Variants in CSMD2 observed in about 807,000 individuals in gnomAD.
The protein encoded by CSMD2 is CUB and Sushi multiple domains 2.
CSMD2 carries 130 observed loss-of-function variants against 398.5 expected under a neutral mutation model. That is an observed-to-expected ratio of 0.33 (90% CI 0.28 to 0.38). The LOEUF is 0.38. CSMD2 is among the 10% of genes least tolerant of loss of function. The probability of loss-of-function intolerance (pLI) is 1.00; values close to 1 mark genes in which losing one functional copy is unlikely to be tolerated. For synonymous variants in CSMD2, 1,828 were observed against 1,908.5 expected, an observed-to-expected ratio of 0.96 and a Z score of 1.10; for missense variants, 3,829 against 4,764.9, an observed-to-expected ratio of 0.80 and a Z score of 5.78.
At position 33,788,675 on chromosome 1, in the gene CSMD2, T is replaced by C; in HGVS notation, c.1588A>G (p.Thr530Ala). 4 of 1,613,904 alleles carry C rather than the reference T, an allele frequency of 2.5e-6. No homozygotes were observed. The highest frequency in any genetic ancestry group is 1.7e-6 in the Non-Finnish European group (2 of 1,179,826). Residue 530 changes from threonine to alanine, a missense_variant, in exon 12 of 71, where the codon ACC becomes GCC. Transcript: ENST00000373381. Reference protein sequence around the residue: ...GTSVPDLIVSTNHQMWLLFQT... With the variant: ...GTSVPDLIVSANHQMWLLFQT... ...AAGAGGAGCCACATTTGATGATTGG[T>C]GCTGACAATGAGATCCGGGACCGAT...
In CSMD2 at chr1:33,533,377, C is replaced by T. The variant is rs1655441234; in HGVS notation, c.9992-148G>A. 2 of 734,292 alleles carry T rather than the reference C, an allele frequency of 2.7e-6. No homozygotes were observed. The highest frequency in any genetic ancestry group is 1.8e-5 in the African/African-American group (1 of 56,096). 45.5% of individuals were successfully genotyped at this position (734,292 alleles called of 1,614,324 possible). On this transcript the variant is annotated intron_variant, in intron 63 of 70. Coordinates refer to ENST00000373381, the MANE Select transcript of CSMD2 (RefSeq NM_001281956.2). The surrounding 1 kb of genome is among the most constrained non-coding windows in gnomAD (Gnocchi z 4.2). ...AAGCATCCCCCTCCCTAATCCTCCA[C>T]CCTAACCCAAGCTCTGTGTCTAGAG... is the stretch of plus-strand genomic sequence containing the variant.
At chr1:33,690,502 A>G (rs1645199980) in intron 25 of CSMD2, among the ~76,000 whole-genome samples, 1 of 152,228 alleles carries the variant, frequency 6.6e-6, no homozygotes, top group Non-Finnish European at 1.5e-5. Context: ...ATTCATTTAT[A>G]TAATGCCAGC....
At position 33,772,247 on chromosome 1, in the gene CSMD2, G is replaced by A. The variant is rs1354731203; in HGVS notation, c.1846+322C>T. 4 of 226,526 alleles carry A rather than the reference G, an allele frequency of 1.8e-5. No individual in the cohort carries two copies. In the East Asian group the frequency reaches 4.0e-4, roughly 22 times the overall value. The allele number at this position is 226,526 out of a possible 1,614,324, so 14.0% of individuals were successfully genotyped here. On this transcript the variant is annotated intron_variant, in intron 13 of 70. Coordinates refer to ENST00000373381, the MANE Select transcript of CSMD2 (RefSeq NM_001281956.2). ...TGGTGTCAGGGGTGGCAATGACGGT[G>A]AGCAGGAAATGTCTGGGTCTGAGCC...
intron 5 of CSMD2, among the ~76,000 whole-genome samples, chr1:33,881,722 T>C (rs1254020627): frequency 6.6e-6 from 1 of 152,236 alleles, no homozygotes; most frequent in Non-Finnish European, 1.5e-5. Context: ...TACTTGTTTT[T>C]CTGTGTGCAG....
intron 5 of CSMD2, among the ~76,000 whole-genome samples, chr1:33,899,412 G>A (rs1642606884): frequency 6.6e-6 from 1 of 152,222 alleles, no homozygotes; most frequent in African/African-American, 2.4e-5. Context: ...AGGTTGGGAG[G>A]CAAAGGGCCC....
chr1:33,537,767 C>T lies in CSMD2; in HGVS notation c.9632-158G>A, dbSNP rs552417882. Among the ~76,000 whole-genome samples the T allele has an allele frequency of 8.5e-4, 130 of 152,362 alleles. No homozygotes were observed. The highest frequency in any genetic ancestry group is 3.4e-3 in the Middle Eastern group (1 of 292). ...CCCAGGTAGGTGCTTCCACCTGCTGCGGTGCTGCTGCTGATGGGGGCTTCC... is the reference window on the plus strand; with the variant it reads ...CCCAGGTAGGTGCTTCCACCTGCTGTGGTGCTGCTGCTGATGGGGGCTTCC... On this transcript the variant is annotated intron_variant, in intron 60 of 70. Transcript: ENST00000373381. This position sits in a 1 kb window ranked among gnomAD's most constrained non-coding sequence, Gnocchi z 4.6.
At chr1:33,911,728 C>T (rs2125265447) in intron 5 of CSMD2, among the ~76,000 whole-genome samples, 1 of 152,314 alleles carries the variant, frequency 6.6e-6, no homozygotes, top group South Asian at 2.1e-4. Flanking sequence ...CAAAGTCTAC[C>T]CAGTGGCCAC....
intron 53 of CSMD2, among the ~76,000 whole-genome samples, chr1:33,561,956 A>G (rs946505277): frequency 1.3e-5 from 2 of 152,118 alleles, no homozygotes; most frequent in African/African-American, 2.4e-5. Flanking sequence ...ATAAAGAGAG[A>G]GAAGAATGTT....
At chr1:33,670,591 C>T (rs1472478765) in intron 25 of CSMD2, among the ~76,000 whole-genome samples, 2 of 152,004 alleles carry the variant, frequency 1.3e-5, no homozygotes, top group Admixed American at 1.3e-4. Flanking sequence ...TAGAATCTAG[C>T]CACACAGAAC....
In CSMD2 at chr1:33,537,527, G is replaced by A; in HGVS notation, c.9714C>T (p.Phe3238=). ...RGFSYRSSVS[F]SCHPPLVLVG... ...CCAGCACCAGAGGGGGATGGCAGGA[G>A]AAGGAGACAGATGACCTGTAGGAGA... is the stretch of plus-strand genomic sequence containing the variant. The change falls in exon 61 of 71, where the codon TTC becomes TTT. Residue 3238 remains phenylalanine (F), a synonymous_variant. Transcript: ENST00000373381. The surrounding 1 kb of genome is among the most constrained non-coding windows in gnomAD (Gnocchi z 4.6). 6.2e-7 allele frequency: 1 copy of A among 1,614,208 alleles called. No individual in the cohort carries two copies. Among genetic ancestry groups the A allele is most frequent in the Non-Finnish European group, 8.5e-7 (1 of 1,180,028 alleles).
At chr1:33,872,843 C>T (rs1640568914) in intron 5 of CSMD2, among the ~76,000 whole-genome samples, 1 of 152,158 alleles carries the variant, frequency 6.6e-6, no homozygotes, top group African/African-American at 2.4e-5. Context: ...GAGGGAAGAA[C>T]CAAGAGCTTA....
At chr1:33,665,845 C>G (rs1207514679) in intron 25 of CSMD2, among the ~76,000 whole-genome samples, 2 of 152,126 alleles carry the variant, frequency 1.3e-5, no homozygotes, top group African/African-American at 4.8e-5. Context: ...CTGTTTACTC[C>G]CTCCGTAGCA....
At chr1:33,925,622 G>T (rs1644100815) in intron 4 of CSMD2, among the ~76,000 whole-genome samples, 1 of 152,056 alleles carries the variant, frequency 6.6e-6, no homozygotes, top group Non-Finnish European at 1.5e-5. Flanking sequence ...TGAATCTGTA[G>T]GTTGCTTTGC....
intron 41 of CSMD2, among the ~76,000 whole-genome samples, chr1:33,608,424 G>A (rs572642896): frequency 1.1e-4 from 17 of 152,298 alleles, no homozygotes; most frequent in African/African-American, 3.4e-4. Flanking sequence ...TATCCGAGAA[G>A]GAAGGTCTCA....
chr1:33,921,372 C>G (rs1643931421), intron 4 of CSMD2, among the ~76,000 whole-genome samples: 1 of 149,254 alleles, frequency 6.7e-6, no homozygotes, highest in African/African-American at 2.6e-5. Context: ...TAAATAAATT[C>G]ACCATGAACA....
intron 1 of CSMD2, among the ~76,000 whole-genome samples, chr1:34,117,478 C>T (rs1043675382): frequency 6.6e-6 from 1 of 151,978 alleles, no homozygotes; most frequent in African/African-American, 2.4e-5. Context: ...AACCTATCTA[C>T]AAAGAAAAGC....
chr1:33,638,068 C>T (rs935287141), intron 29 of CSMD2, among the ~76,000 whole-genome samples: 10 of 152,068 alleles, frequency 6.6e-5, no homozygotes, highest in Non-Finnish European at 8.8e-5. Context: ...AGTCGTTGCC[C>T]GCAGCTGAGA....
intron 25 of CSMD2, among the ~76,000 whole-genome samples, chr1:33,675,275 A>G (rs1644667048): frequency 6.6e-6 from 1 of 152,156 alleles, no homozygotes; most frequent in Admixed American, 6.5e-5. Flanking sequence ...GATAAAGGGG[A>G]TATCACCACC....
intron 1 of CSMD2, among the ~76,000 whole-genome samples, chr1:34,126,979 G>A (rs1425829069): frequency 6.6e-6 from 1 of 152,034 alleles, no homozygotes; most frequent in Non-Finnish European, 1.5e-5. Flanking sequence ...GAGACACAAC[G>A]GCAGATAGAG....
Sources: gnomAD v4.1 joint callset for allele counts (sites outside exome capture counted in the v4.1 genomes callset) on GRCh38, gnomAD v4.1.1 for gene constraint, Gnocchi (gnomAD v3.1) non-coding constraint, MANE v1.5 for transcripts, NCBI Gene and HGNC (gene_info 2026-07-23, HGNC 2026-07-21) for gene names.